The following DTNA variants were observed in gnomAD, a reference collection of about 807,000 sequenced individuals.
DTNA encodes the protein dystrobrevin alpha, also known as dystrophin-related protein 3.
In DTNA, 43 loss-of-function variants were observed where a neutral mutation model predicts 100.7. The ratio of observed to expected loss-of-function variants is 0.43; its 90% confidence interval spans 0.33 to 0.55. The LOEUF is 0.55. Ranked by LOEUF, DTNA falls within the 20% of genes least tolerant of loss-of-function variation. DTNA has a pLI of 0.04. For synonymous variants in DTNA, 349 were observed against 347.9 expected, an observed-to-expected ratio of 1.00 and a Z score of -0.04; for missense variants, 798 against 953.9, an observed-to-expected ratio of 0.84 and a Z score of 2.15.
intron 2 of DTNA, among the ~76,000 whole-genome samples, chr18:34,763,012 G>A (rs1219225538): frequency 6.6e-6 from 1 of 152,146 alleles, no homozygotes; most frequent in Non-Finnish European, 1.5e-5. Flanking sequence ...AGGTGCCAGG[G>A]TTACTGTGCT....
chr18:34,608,658 G>GA (rs767612335), intron 1 of DTNA, among the ~76,000 whole-genome samples: 20 of 149,280 alleles, frequency 1.3e-4, no homozygotes, highest in Admixed American at 2.0e-4. Flanking sequence ...TCCTTTTTGA[G>GA]AAAAAAAAAG....
chr18:34,719,911 T>A (rs2084903316), intron 1 of DTNA, among the ~76,000 whole-genome samples: 1 of 152,214 alleles, frequency 6.6e-6, no homozygotes, highest in South Asian at 2.1e-4. Flanking sequence ...CTCATCTACA[T>A]GGCTCTGACC....
chr18:34,798,084 T>A (rs934574481), intron 4 of DTNA, among the ~76,000 whole-genome samples: 1 of 152,124 alleles, frequency 6.6e-6, no homozygotes, highest in Non-Finnish European at 1.5e-5. Flanking sequence ...ACTGCAGCCT[T>A]CGCCTCCTGG....
In DTNA at chr18:34,596,845, C is replaced by A. The variant is rs113081161; in HGVS notation, c.-2+103331C>A. Reference sequence around the variant, plus strand: ...CTGACTTTATTTGAGCTGTCAACACCACCTAACAGTTCTTTTTTTTAATTA... The same window carrying A: ...CTGACTTTATTTGAGCTGTCAACACAACCTAACAGTTCTTTTTTTTAATTA... On this transcript the variant is annotated intron_variant, in intron 1 of 19. Coordinates refer to the DTNA transcript ENST00000283365. Among the ~76,000 whole-genome samples, 392 of 152,194 alleles carry A rather than the reference C, an allele frequency of 2.6e-3. 4 individuals are homozygous for A. The highest frequency in any genetic ancestry group is 8.8e-3 in the African/African-American group (364 of 41,522).
Position 34,778,310 on chromosome 18 carries a change from A to C in DTNA, c.148+12269A>C, listed in dbSNP as rs374525325. 1.4e-4 allele frequency among the ~76,000 whole-genome samples: 21 copies of C among 152,334 alleles called. No individual in the cohort carries two copies. The East Asian group carries it at 2.1e-3, about 15-fold the overall frequency. Reference sequence around the variant, plus strand: ...AACAGCTAATGTATTTAGGCAAAAGACTTTTAAAAAGACAATTGCATTTTT... The same window carrying C: ...AACAGCTAATGTATTTAGGCAAAAGCCTTTTAAAAAGACAATTGCATTTTT... On this transcript the variant is annotated intron_variant, in intron 3 of 22. Coordinates refer to ENST00000444659, the MANE Select transcript of DTNA (RefSeq NM_001386795.1).
At chr18:34,493,343 C>T (rs1345401440) in exon 1 of DTNA, 3 of 152,180 alleles carry the variant, frequency 2.0e-5, no homozygotes, top group Non-Finnish European at 4.4e-5. Flanking sequence ...TGGCAGCAGC[C>T]AGCCTCTGCT....
chr18:34,891,410 G>A lies in DTNA; in HGVS notation c.*3676G>A, dbSNP rs955722467. The A allele has an allele frequency of 6.6e-6, 1 of 152,266 alleles. No homozygotes were observed. Among genetic ancestry groups the A allele is most frequent in the African/African-American group, 2.4e-5 (1 of 41,294 alleles). 9.4% of individuals were successfully genotyped at this position (152,266 alleles called of 1,614,324 possible). The stretch of plus-strand genomic sequence containing the variant: ...ATGTTTTTAAAAACACTATATCTTG[G>A]GTGGTTTATTCCTTTGTTTCAGTGA... On this transcript the variant is annotated 3_prime_UTR_variant, in exon 23 of 23. Transcript: ENST00000444659.
chr18:34,888,988 A>T lies in DTNA; in HGVS notation c.*1254A>T. 1.0e-6 allele frequency: 1 copy of T among 985,906 alleles called. No individual in the cohort carries two copies. Among genetic ancestry groups the T allele is most frequent in the Admixed American group, 6.1e-5 (1 of 16,292 alleles). The allele number at this position is 985,906 out of a possible 1,614,324, so 61.1% of individuals were successfully genotyped here. On this transcript the variant is annotated 3_prime_UTR_variant, in exon 23 of 23. Transcript: ENST00000444659. ...ATTTTTGCACTCAGTGAAAAGCTGA[A>T]GTGCAAAAGAGCTATCAAAGACAAG...
intron 1 of DTNA, among the ~76,000 whole-genome samples, chr18:34,588,136 T>C (rs2049326363): frequency 6.6e-6 from 1 of 152,224 alleles, no homozygotes; most frequent in Non-Finnish European, 1.5e-5. Flanking sequence ...AAAATGTTTA[T>C]GTAACCAAAT....
intron 1 of DTNA, among the ~76,000 whole-genome samples, chr18:34,568,038 T>A (rs1340577090): frequency 6.6e-6 from 1 of 151,990 alleles, no homozygotes; most frequent in African/African-American, 2.4e-5. Flanking sequence ...AGAAAAAAAA[T>A]GAATATTGTT....
At chr18:34,672,089 G>T (rs549165389) in intron 1 of DTNA, among the ~76,000 whole-genome samples, 6 of 152,110 alleles carry the variant, frequency 3.9e-5, no homozygotes, top group Non-Finnish European at 8.8e-5. Context: ...ACAAAAGACT[G>T]CACTTGGGTA....
At chr18:34,870,242 C>T (rs2096752201) in intron 17 of DTNA, among the ~76,000 whole-genome samples, 1 of 152,180 alleles carries the variant, frequency 6.6e-6, no homozygotes, top group Non-Finnish European at 1.5e-5. Flanking sequence ...ATTCCATCTC[C>T]TACCCTTATT....
At chr18:34,504,357 A>C (rs2040272235) in intron 1 of DTNA, among the ~76,000 whole-genome samples, 1 of 152,184 alleles carries the variant, frequency 6.6e-6, no homozygotes, top group Non-Finnish European at 1.5e-5. Flanking sequence ...CACATCAGAC[A>C]GTGTTATAAT....
intron 1 of DTNA, among the ~76,000 whole-genome samples, chr18:34,618,221 A>C (rs532422323): frequency 2.4e-4 from 37 of 152,290 alleles, no homozygotes; most frequent in African/African-American, 7.7e-4. Flanking sequence ...TTACCTTTAA[A>C]ATATTCATGT....
intron 1 of DTNA, among the ~76,000 whole-genome samples, chr18:34,525,385 C>T (rs1019147757): frequency 5.9e-5 from 9 of 152,230 alleles, no homozygotes; most frequent in South Asian, 2.1e-4. Context: ...TGTACTTTCT[C>T]GCACACTGTC....
intron 1 of DTNA, among the ~76,000 whole-genome samples, chr18:34,571,898 T>C (rs141668944): frequency 6.6e-6 from 1 of 152,302 alleles, no homozygotes; most frequent in African/African-American, 2.4e-5. Context: ...TTAAGTTTCA[T>C]ATCAGATTTT....
At chr18:34,707,532 A>G (rs1187146428), upstream of DTNA, among the ~76,000 whole-genome samples, 1 of 152,170 alleles carries the variant, frequency 6.6e-6, no homozygotes, top group African/African-American at 2.4e-5. Context: ...TTTGGCAATC[A>G]ATCATATTAA....
chr18:34,841,297 G>A (rs888997838), intron 13 of DTNA, among the ~76,000 whole-genome samples: 3 of 152,100 alleles, frequency 2.0e-5, no homozygotes, highest in African/African-American at 7.2e-5. Context: ...TTTTGTGGAT[G>A]CCTCCTTCAC....
intron 1 of DTNA, among the ~76,000 whole-genome samples, chr18:34,691,238 C>G (rs1015254548): frequency 7.9e-5 from 12 of 152,162 alleles, no homozygotes; most frequent in African/African-American, 2.7e-4. Flanking sequence ...CTCTCCTTTC[C>G]TTTTAAAACA....
Sources: allele counts gnomAD v4.1 joint callset (sites outside exome capture counted in the v4.1 genomes callset), GRCh38; gene constraint gnomAD v4.1.1; transcripts MANE v1.5; gene names NCBI Gene and HGNC (gene_info 2026-07-23, HGNC 2026-07-21).